Variants in TENM2 observed in about 807,000 individuals in gnomAD.
TENM2 encodes teneurin-2.
TENM2 carries 52 observed loss-of-function variants against 245.2 expected under a neutral mutation model. The ratio of observed to expected loss-of-function variants is 0.21; its 90% CI spans 0.17 to 0.27. The LOEUF (loss-of-function observed/expected upper bound fraction) is 0.27. Among genes scored for constraint, TENM2 ranks in the 10% least tolerant of loss-of-function variants. The probability of loss-of-function intolerance (pLI) is 1.00; values close to 1 mark genes in which losing one functional copy is unlikely to be tolerated. For missense variants in TENM2, 3,046 were observed against 3,666.8 expected (o/e 0.83, Z 4.37); for synonymous variants, 1,363 against 1,438.9 (o/e 0.95, Z 1.19).
chr5:168,192,400 T>C (rs938767756), intron 14 of TENM2, among the ~76,000 whole-genome samples: 1 of 152,110 alleles, frequency 6.6e-6, no homozygotes, highest in Non-Finnish European at 1.5e-5. Flanking sequence ...TCGCCAAAAC[T>C]TTACCAGTCC....
intron 1 of TENM2, among the ~76,000 whole-genome samples, chr5:167,314,826 C>G (rs992710082): frequency 3.3e-5 from 5 of 151,988 alleles, no homozygotes; most frequent in Admixed American, 3.3e-4. Context: ...CCATTTCTAA[C>G]AAATTAATAG....
chr5:167,467,320 C>G (rs1444939024), intron 2 of TENM2, among the ~76,000 whole-genome samples: 1 of 152,048 alleles, frequency 6.6e-6, no homozygotes, highest in Non-Finnish European at 1.5e-5. Context: ...CCCCTTCAGC[C>G]ATGATTGAAA....
At chr5:166,981,651 T>C in the TENM2 span, among the ~76,000 whole-genome samples, 18 of 152,204 alleles carry the variant, frequency 1.2e-4, no homozygotes, top group African/African-American at 4.3e-4. Flanking sequence ...TTATGTAACA[T>C]ATTCAGATCA....
intron 9 of TENM2, among the ~76,000 whole-genome samples, chr5:168,100,795 GATGGGTGCAGCAAACTATT>G: frequency 6.6e-6 from 1 of 151,984 alleles, no homozygotes; most frequent in Admixed American, 6.6e-5. Context: ...ATGATGGGTT[GATGGGTGCAGCAAACTATT>G]ATGGGTGCAG....
At chr5:168,132,156 C>T (rs755714744) in intron 12 of TENM2, among the ~76,000 whole-genome samples, 2 of 151,914 alleles carry the variant, frequency 1.3e-5, no homozygotes, top group Non-Finnish European at 2.9e-5. Flanking sequence ...AATCCCAGAA[C>T]AAGGACTGGG....
chr5:167,550,859 G>A (rs967324473), intron 2 of TENM2, among the ~76,000 whole-genome samples: 2 of 151,804 alleles, frequency 1.3e-5, no homozygotes, highest in African/African-American at 2.4e-5. Flanking sequence ...CCTCCAAGTA[G>A]CTGGGACTAC....
intron 3 of TENM2, among the ~76,000 whole-genome samples, chr5:167,947,799 G>A (rs1779754232): frequency 6.6e-6 from 1 of 152,182 alleles, no homozygotes; most frequent in Non-Finnish European, 1.5e-5. Context: ...AAATTTTAAA[G>A]ACCAACCATT....
At chr5:168,115,015 C>G (rs1794946579) in intron 9 of TENM2, among the ~76,000 whole-genome samples, 1 of 152,060 alleles carries the variant, frequency 6.6e-6, no homozygotes, top group Admixed American at 6.5e-5. Flanking sequence ...ATAATTCGGT[C>G]AGGCACGGTG....
intron 3 of TENM2, among the ~76,000 whole-genome samples, chr5:167,928,180 T>C (rs1034859228): frequency 1.3e-5 from 2 of 152,224 alleles, no homozygotes; most frequent in African/African-American, 4.8e-5. Context: ...ATCTTTGTCA[T>C]TTCTTGTCTC....
chr5:168,012,060 G>A (rs1581051683), intron 5 of TENM2, among the ~76,000 whole-genome samples: 1 of 152,118 alleles, frequency 6.6e-6, no homozygotes, highest in Admixed American at 6.5e-5. Context: ...TATGTGTATT[G>A]CCATCAACTT....
At chr5:167,315,983 C>T (rs373303679) in intron 1 of TENM2, among the ~76,000 whole-genome samples, 41 of 152,296 alleles carry the variant, frequency 2.7e-4, no homozygotes, top group African/African-American at 9.6e-4. Flanking sequence ...AGTCTGTTAG[C>T]ATGGCTCACT....
At chr5:167,133,234 C>T in the TENM2 span, among the ~76,000 whole-genome samples, 5 of 152,050 alleles carry the variant, frequency 3.3e-5, no homozygotes, top group African/African-American at 1.2e-4. Context: ...GTATTGAGGC[C>T]GACACACAGA....
At chr5:167,609,519 C>CAAAAAAT (rs1171421408) in intron 2 of TENM2, among the ~76,000 whole-genome samples, 7 of 128,944 alleles carry the variant, frequency 5.4e-5, no homozygotes, top group African/African-American at 2.2e-4. Flanking sequence ...AAAACAAAAC[C>CAAAAAAT]TTACCTAGAA....
At chr5:167,050,571 T>C in the TENM2 span, among the ~76,000 whole-genome samples, 1 of 152,064 alleles carries the variant, frequency 6.6e-6, no homozygotes, top group African/African-American at 2.4e-5. Context: ...AAGCATAAGA[T>C]TGAGATGTTA....
At chr5:167,434,371 C>T (rs1764418153) in intron 2 of TENM2, among the ~76,000 whole-genome samples, 3 of 125,872 alleles carry the variant, frequency 2.4e-5, no homozygotes, top group Non-Finnish European at 4.7e-5. Flanking sequence ...CTGAGATGTG[C>T]TGCTGCGCTC....
intron 1 of TENM2, among the ~76,000 whole-genome samples, chr5:167,354,576 T>C (rs925582929): frequency 5.9e-5 from 9 of 152,172 alleles, no homozygotes; most frequent in Admixed American, 2.0e-4. Flanking sequence ...TAGTTAATCA[T>C]AGAAGTTTAA....
rs934929197 is a variant in TENM2 at position 167,920,366 on chromosome 5, A to C, written c.713-32222A>C. 1.1e-4 allele frequency among the ~76,000 whole-genome samples: 17 copies of C among 151,832 alleles called. No homozygotes were observed. In the East Asian group the frequency reaches 2.9e-3, roughly 26 times the overall value. On this transcript the variant is annotated intron_variant, in intron 3 of 28. Transcript: ENST00000518659. ...GAAAAAAAAAGAAAAAAAAAATCAA[A>C]AGTTAGCTGGGCATAGTGGCGGGCA...
At chr5:168,020,443 C>T (rs984671076) in intron 5 of TENM2, among the ~76,000 whole-genome samples, 3 of 152,218 alleles carry the variant, frequency 2.0e-5, no homozygotes, top group African/African-American at 7.2e-5. Context: ...TCCTGCAAGG[C>T]ATTTTTCAGT....
intron 1 of TENM2, among the ~76,000 whole-genome samples, chr5:167,320,364 G>C (rs1411091806): frequency 6.6e-6 from 1 of 152,166 alleles, no homozygotes; most frequent in Admixed American, 6.5e-5. Flanking sequence ...CCCAAAAGAA[G>C]AAATGGGCTT....
Sources: gnomAD v4.1 joint callset for allele counts (sites outside exome capture counted in the v4.1 genomes callset) on GRCh38, gnomAD v4.1.1 for gene constraint, MANE v1.5 for transcripts, NCBI Gene and HGNC (gene_info 2026-07-23, HGNC 2026-07-21) for gene names.